TENM2: variants seen among roughly 807,000 people sequenced by gnomAD.
The protein encoded by TENM2 is teneurin transmembrane protein 2.
Under a neutral mutation model 245.2 loss-of-function variants are expected in TENM2, and 52 were observed. The ratio of observed to expected loss-of-function variants is 0.21; its 90% CI spans 0.17 to 0.27. The LOEUF (loss-of-function observed/expected upper bound fraction) is 0.27, where lower values mean the gene tolerates loss of function less well. TENM2 is among the 10% of genes least tolerant of loss of function. The pLI is 1.00. For missense variants in TENM2, 3,046 were observed against 3,666.8 expected (o/e 0.83, Z 4.37); for synonymous variants, 1,363 against 1,438.9 (o/e 0.95, Z 1.19).
chr5:167,783,230 A>G (rs899722112), intron 2 of TENM2, among the ~76,000 whole-genome samples: 2 of 142,962 alleles, frequency 1.4e-5, no homozygotes, highest in Admixed American at 7.2e-5. Flanking sequence ...TCCTTCCCCC[A>G]GGAGGGTTGT....
At chr5:167,980,017 A>G (rs1448181084) in intron 4 of TENM2, among the ~76,000 whole-genome samples, 1 of 152,178 alleles carries the variant, frequency 6.6e-6, no homozygotes, top group Non-Finnish European at 1.5e-5. Flanking sequence ...TTCAAGCTCT[A>G]TATTGGTTCA....
intron 2 of TENM2, among the ~76,000 whole-genome samples, chr5:167,655,875 C>G (rs1027569483): frequency 1.3e-5 from 2 of 152,122 alleles, no homozygotes; most frequent in Admixed American, 6.5e-5. Flanking sequence ...CTCTTTTCCG[C>G]CTGCCAGGGC....
chr5:167,480,611 G>A (rs926596928), intron 2 of TENM2, among the ~76,000 whole-genome samples: 6 of 152,144 alleles, frequency 3.9e-5, no homozygotes, highest in African/African-American at 1.4e-4. Flanking sequence ...AGATGATTGC[G>A]ATGTAAATGA....
At chr5:167,106,679 G>C in the TENM2 span, among the ~76,000 whole-genome samples, 1 of 152,074 alleles carries the variant, frequency 6.6e-6, no homozygotes, top group Non-Finnish European at 1.5e-5. Context: ...TCCTAGGCAG[G>C]GTGCACTTTG....
At chr5:167,278,854 A>G in the TENM2 span, among the ~76,000 whole-genome samples, 1 of 152,186 alleles carries the variant, frequency 6.6e-6, no homozygotes, top group Admixed American at 6.5e-5. Context: ...ACATTTGCTC[A>G]TATTTTTGCT....
chr5:167,438,597 C>T (rs1006974438), intron 2 of TENM2, among the ~76,000 whole-genome samples: 48 of 152,156 alleles, frequency 3.2e-4, no homozygotes, highest in African/African-American at 1.1e-3. Flanking sequence ...CGGGGTTTCA[C>T]GCTGTTAGCC....
chr5:167,921,016 T>C (rs992359956), intron 3 of TENM2, among the ~76,000 whole-genome samples: 11 of 152,254 alleles, frequency 7.2e-5, no homozygotes, highest in African/African-American at 2.7e-4. Flanking sequence ...TGATAGGCTA[T>C]GGATTAAATA....
the TENM2 span, among the ~76,000 whole-genome samples, chr5:167,075,592 T>C: frequency 6.6e-6 from 1 of 152,192 alleles, no homozygotes; most frequent in Non-Finnish European, 1.5e-5. Context: ...TGTTTTACAG[T>C]GACCTGGCTG....
chr5:167,947,238 A>G (rs1343293031), intron 3 of TENM2, among the ~76,000 whole-genome samples: 1 of 152,216 alleles, frequency 6.6e-6, no homozygotes, highest in Non-Finnish European at 1.5e-5. Flanking sequence ...CATAGTTGCT[A>G]TAGCTGCCAT....
intron 3 of TENM2, among the ~76,000 whole-genome samples, chr5:167,925,714 T>C (rs1394841774): frequency 6.6e-6 from 1 of 152,216 alleles, no homozygotes; most frequent in African/African-American, 2.4e-5. Flanking sequence ...TAAATGCCCA[T>C]TAATGACAGA....
chr5:167,796,970 C>A (rs957266080), intron 2 of TENM2, among the ~76,000 whole-genome samples: 1 of 151,644 alleles, frequency 6.6e-6, no homozygotes, highest in South Asian at 2.1e-4. Context: ...TTGTCAATAT[C>A]GGAGTCATAG....
At chr5:166,994,151 A>G in the TENM2 span, among the ~76,000 whole-genome samples, 1 of 152,140 alleles carries the variant, frequency 6.6e-6, no homozygotes, top group South Asian at 2.1e-4. Flanking sequence ...TACATTTATC[A>G]CTCGCTTCCA....
chr5:167,976,745 T>G (rs1782469934), intron 4 of TENM2, among the ~76,000 whole-genome samples: 1 of 152,252 alleles, frequency 6.6e-6, no homozygotes, highest in African/African-American at 2.4e-5. Context: ...ACATAAGTAC[T>G]GTTTATAATA....
At chr5:167,524,490 T>C (rs1443776600) in intron 2 of TENM2, among the ~76,000 whole-genome samples, 1 of 152,116 alleles carries the variant, frequency 6.6e-6, no homozygotes, top group African/African-American at 2.4e-5. Flanking sequence ...CTCCTTTCTC[T>C]ATGGCAGCGT....
At chr5:167,647,881 T>C (rs1245878778) in intron 2 of TENM2, among the ~76,000 whole-genome samples, 1 of 152,166 alleles carries the variant, frequency 6.6e-6, no homozygotes, top group African/African-American at 2.4e-5. Flanking sequence ...TCCCTCTCAC[T>C]TATCTCCTAC....
At chr5:167,478,220 A>G (rs1250829256) in intron 2 of TENM2, among the ~76,000 whole-genome samples, 1 of 152,174 alleles carries the variant, frequency 6.6e-6, no homozygotes, top group East Asian at 1.9e-4. Context: ...AAACAATCCA[A>G]ATGAAAACAT....
chr5:168,115,632 C>T (rs918021835), intron 9 of TENM2, among the ~76,000 whole-genome samples: 1 of 152,066 alleles, frequency 6.6e-6, no homozygotes, highest in South Asian at 2.1e-4. Flanking sequence ...TCAGAAACAG[C>T]CCTTGGAAGC....
intron 26 of TENM2, among the ~76,000 whole-genome samples, chr5:168,245,132 C>A (rs1054194012): frequency 1.3e-5 from 2 of 150,470 alleles, no homozygotes; most frequent in African/African-American, 4.9e-5. Context: ...ATCTTTACTT[C>A]GACTCTACAA....
At chr5:167,155,680 C>G in the TENM2 span, among the ~76,000 whole-genome samples, 3,427 of 152,262 alleles carry the variant, frequency 0.023, 117 homozygotes, top group African/African-American at 0.078. Flanking sequence ...GTACTGAAAA[C>G]TGAGAAGGAT....
Sources: allele counts gnomAD v4.1 joint callset (sites outside exome capture counted in the v4.1 genomes callset), GRCh38; gene constraint gnomAD v4.1.1; transcripts MANE v1.5; gene names NCBI Gene and HGNC (gene_info 2026-07-23, HGNC 2026-07-21).